The following NXNL2 variants were observed in gnomAD, a reference collection of about 807,000 sequenced individuals.
NXNL2 encodes nucleoredoxin-like protein 2.
In NXNL2, 7 loss-of-function variants were observed where a neutral mutation model predicts 11.1. The ratio of observed to expected loss-of-function variants is 0.63; its 90% confidence interval spans 0.36 to 1.18. The LOEUF (loss-of-function observed/expected upper bound fraction) is 1.18, where lower values mean the gene tolerates loss of function less well. Ranked by LOEUF, NXNL2 falls within the 50% of genes most tolerant of loss-of-function variation. The pLI, the probability that NXNL2 is intolerant of heterozygous loss-of-function variation, is 0.02. For synonymous variants in NXNL2, 109 were observed against 101.8 expected (o/e 1.07, Z -0.42); for missense variants, 233 against 217.7 (o/e 1.07, Z -0.44).
intron 1 of NXNL2, 42 bp from the exon 2 acceptor site, chr9:88,544,337 A>G (rs1829817189): frequency 6.6e-7 from 1 of 1,519,290 alleles, no homozygotes; most frequent in Non-Finnish European, 8.9e-7. Flanking sequence ...TCAGATGTGC[A>G]TGTGGGAGTG....
chr9:88,556,536 T>C, intron 1 of NXNL2, among the ~76,000 whole-genome samples: 1 of 152,106 alleles, frequency 6.6e-6, no homozygotes, highest in East Asian at 1.9e-4. Flanking sequence ...TGTGTGCTGA[T>C]TGGTCCATAA....
intron 1 of NXNL2, among the ~76,000 whole-genome samples, chr9:88,559,272 T>C (rs949732291): frequency 1.3e-5 from 2 of 152,114 alleles, no homozygotes; most frequent in African/African-American, 2.4e-5. Flanking sequence ...GACTACAGGT[T>C]ACATGGCAAG....
rs148861099 is a variant in NXNL2 at position 88,560,871 on chromosome 9, A to T, written c.303-10216A>T. Among the ~76,000 whole-genome samples the T allele has an allele frequency of 4.8e-3, 736 of 152,252 alleles. 10 individuals carry two copies. The highest frequency in any genetic ancestry group is 0.017 in the African/African-American group (690 of 41,542). ...GCCTTGGGCTGAGACCCAGAATCTG[A>T]CCCCACAGCAGCAGAGATGGATATT... On this transcript the variant is annotated intron_variant, in intron 1 of 2. Transcript: ENST00000375855.
chr9:88,553,709 A>AT (rs1168482148), intron 1 of NXNL2, among the ~76,000 whole-genome samples: 1 of 152,158 alleles, frequency 6.6e-6, no homozygotes, highest in East Asian at 1.9e-4. Flanking sequence ...TATCTCCTTT[A>AT]TACTTCATGT....
intron 1 of NXNL2, among the ~76,000 whole-genome samples, chr9:88,562,670 T>C (rs550765830): frequency 7.0e-4 from 107 of 151,858 alleles, no homozygotes; most frequent in Non-Finnish European, 1.2e-3. Flanking sequence ...GAGAATCACT[T>C]GAACCCGGGG....
At chr9:88,580,416 A>T (rs1830396171), downstream of NXNL2, among the ~76,000 whole-genome samples, 1 of 152,116 alleles carries the variant, frequency 6.6e-6, no homozygotes. Context: ...CGGTCTTCCA[A>T]AGTGCTAGGA....
chr9:88,542,771 G>A (rs1355525119), intron 1 of NXNL2, among the ~76,000 whole-genome samples: 1 of 152,170 alleles, frequency 6.6e-6, no homozygotes, highest in African/African-American at 2.4e-5. Context: ...GAGCGTAGGG[G>A]ACCCTGTATT....
chr9:88,540,133 C>T (rs1323978205), intron 1 of NXNL2, among the ~76,000 whole-genome samples: 2 of 152,016 alleles, frequency 1.3e-5, no homozygotes, highest in East Asian at 3.9e-4. Flanking sequence ...GAGATCGAAA[C>T]CATCCTGGCT....
intron 1 of NXNL2, among the ~76,000 whole-genome samples, chr9:88,563,651 G>C (rs974136115): frequency 4.6e-5 from 7 of 152,030 alleles, no homozygotes; most frequent in Non-Finnish European, 1.0e-4. Flanking sequence ...AGTGCCTTTA[G>C]ACTAAAGTCC....
intron 2 of NXNL2, among the ~76,000 whole-genome samples, chr9:88,574,699 A>C (rs558677972): frequency 2.0e-5 from 3 of 152,180 alleles, no homozygotes; most frequent in Non-Finnish European, 2.9e-5. Context: ...CTTATACAGC[A>C]TATTTGGGGC....
intron 1 of NXNL2, among the ~76,000 whole-genome samples, chr9:88,552,473 G>GTTTTTTTTTTTTTTT (rs59133640): frequency 4.6e-5 from 6 of 131,570 alleles, no homozygotes; most frequent in African/African-American, 1.7e-4. Context: ...AAACATGCAT[G>GTTTTTTTTTTTTTTT]TTTTTTTTTT....
chr9:88,580,710 G>C (rs1298869137), downstream of NXNL2, among the ~76,000 whole-genome samples: 4 of 152,184 alleles, frequency 2.6e-5, no homozygotes, highest in Admixed American at 2.6e-4. Context: ...CATTGATGCA[G>C]TACTGTTAAC....
Position 88,535,444 on chromosome 9 carries a change from A to T in NXNL2, c.10A>T (p.Ile4Phe). 1 of 1,600,728 alleles carries T rather than the reference A, an allele frequency of 6.2e-7. No individual in the cohort carries two copies. The highest frequency in any genetic ancestry group is 8.5e-7 in the Non-Finnish European group (1 of 1,174,808). Residue 4 changes from isoleucine (I) to phenylalanine (F), a missense_variant, in exon 1 of 2, where the codon ATT becomes TTT. Ile to Phe is a conservative substitution (Grantham distance 21). Transcript: ENST00000375854. Reference sequence around the variant, plus strand: ...GCTGCGTGTCTGCGCCATGGTTGACATTCTGGGCGAGCGGCACCTGGTGAC... The same window carrying T: ...GCTGCGTGTCTGCGCCATGGTTGACTTTCTGGGCGAGCGGCACCTGGTGAC... MVDILGERHLVTCK... is the reference protein window; with the variant it reads MVDFLGERHLVTCK...
At chr9:88,577,052 C>A (rs66529615), downstream of NXNL2, among the ~76,000 whole-genome samples, 1 of 151,888 alleles carries the variant, frequency 6.6e-6, no homozygotes, top group Admixed American at 6.6e-5. Context: ...AGGGTCCTTG[C>A]GAGGTGTCCT....
intron 1 of NXNL2, among the ~76,000 whole-genome samples, chr9:88,570,394 A>T (rs1304371794): frequency 3.3e-5 from 5 of 152,226 alleles, no homozygotes; most frequent in African/African-American, 4.8e-5. Context: ...CTGGGATTAC[A>T]GGCGTGAGCC....
At chr9:88,578,768 T>C (rs1168285066), downstream of NXNL2, among the ~76,000 whole-genome samples, 1 of 152,242 alleles carries the variant, frequency 6.6e-6, no homozygotes, top group Non-Finnish European at 1.5e-5. Context: ...GAGCTCAGCC[T>C]CGACTGGGGC....
At chr9:88,561,985 G>A (rs1446860977) in intron 1 of NXNL2, among the ~76,000 whole-genome samples, 1 of 152,132 alleles carries the variant, frequency 6.6e-6, no homozygotes, top group African/African-American at 2.4e-5. Flanking sequence ...CCAAAGACAC[G>A]ACCAGGAATG....
intron 1 of NXNL2, among the ~76,000 whole-genome samples, chr9:88,561,581 TA>T (rs999129771): frequency 6.6e-6 from 1 of 151,782 alleles, no homozygotes; most frequent in African/African-American, 2.4e-5. Flanking sequence ...GTCTACACAA[TA>T]AAAGCCTTAG....
chr9:88,535,486 G>A lies in NXNL2; in HGVS notation c.52G>A (p.Val18Met). Reference protein sequence around the residue: ...RHLVTCKGATVEAEAALQNKV... With the variant: ...RHLVTCKGATMEAEAALQNKV... ...CCTGGTGACCTGTAAGGGCGCGACG[G>A]TGGAGGCCGAGGCGGCGCTGCAGAA... is the stretch of plus-strand genomic sequence containing the variant. The change falls in exon 1 of 2, where the codon GTG becomes ATG. Residue 18 changes from valine (V) to methionine (M), a missense_variant. Val to Met is a conservative substitution (Grantham distance 21). Transcript: ENST00000375854. 6.2e-7 allele frequency: 1 copy of A among 1,609,632 alleles called. No individual in the cohort carries two copies. The highest frequency in any genetic ancestry group is 1.1e-5 in the South Asian group (1 of 90,886).
Sources: gnomAD v4.1 joint callset for allele counts (sites outside exome capture counted in the v4.1 genomes callset) on GRCh38, gnomAD v4.1.1 for gene constraint, MANE v1.5 for transcripts, NCBI Gene and HGNC (gene_info 2026-07-23, HGNC 2026-07-21) for gene names.